The following GPHN variants were observed in gnomAD, a reference collection of about 807,000 sequenced individuals.
The protein encoded by GPHN is gephyrin.
GPHN carries 17 observed loss-of-function variants against 95.5 expected under a neutral mutation model. The ratio of observed to expected loss-of-function variants is 0.18; its 90% confidence interval spans 0.12 to 0.27. The LOEUF (loss-of-function observed/expected upper bound fraction) is 0.27. Among genes scored for constraint, GPHN ranks in the 10% least tolerant of loss-of-function variants. The pLI is 1.00. For missense variants in GPHN, 660 were observed against 978.1 expected (o/e 0.67, Z 4.34); for synonymous variants, 320 against 322.5 (o/e 0.99, Z 0.08).
chr14:66,631,872 A>G (rs1390706524), intron 1 of GPHN, among the ~76,000 whole-genome samples: 1 of 152,184 alleles, frequency 6.6e-6, no homozygotes, highest in Non-Finnish European at 1.5e-5. Flanking sequence ...AACCCTAAAC[A>G]GTTTCCTATC....
intron 17 of GPHN, among the ~76,000 whole-genome samples, chr14:67,141,793 T>C (rs1309213530): frequency 6.6e-6 from 1 of 152,210 alleles, no homozygotes; most frequent in Non-Finnish European, 1.5e-5. Flanking sequence ...CTGTCACACC[T>C]GGATAAAAAT....
rs1352289672 is a variant in GPHN, at chr14:66,689,520, TG to T, written c.143+8336del. Reference sequence around the variant, plus strand: ...GATGTTGGTCTGTAGTTTTTGCATTTGAGTCCTTGGTCTAGTTTTAGTATCA... The same window carrying T: ...GATGTTGGTCTGTAGTTTTTGCATTTAGTCCTTGGTCTAGTTTTAGTATCA... On this transcript the variant is annotated intron_variant, in intron 2 of 22. Transcript: ENST00000478722. Among the ~76,000 whole-genome samples the T allele has an allele frequency of 2.6e-5, 4 of 152,290 alleles. No individual in the cohort carries two copies. The South Asian group carries it at 8.3e-4, about 32-fold the overall frequency.
rs2057876077 is a variant in GPHN, at chr14:66,508,423, G to C, written c.-105G>C. The C allele has an allele frequency of 1.0e-6, 1 of 988,564 alleles. No individual in the cohort carries two copies. Among genetic ancestry groups the C allele is most frequent in the Admixed American group, 1.7e-5 (1 of 59,014 alleles). 61.2% of individuals were successfully genotyped at this position (988,564 alleles called of 1,614,324 possible). On this transcript the variant is annotated 5_prime_UTR_variant, in exon 1 of 23. Coordinates refer to ENST00000478722, the MANE Select transcript of GPHN (RefSeq NM_020806.5). ...TCCCCGCTCTCCTCGCGCTTCTCTG[G>C]CTCCCTAGCTGTCGCGCTCTCCTCG...
chr14:67,177,030 C>T (rs1163403604), intron 21 of GPHN, among the ~76,000 whole-genome samples: 1 of 152,114 alleles, frequency 6.6e-6, no homozygotes, highest in Non-Finnish European at 1.5e-5. Context: ...AAAACCAGCT[C>T]CTGGATTCAC....
the GPHN span, among the ~76,000 whole-genome samples, chr14:67,413,612 C>T: frequency 2.8e-4 from 43 of 152,326 alleles, no homozygotes; most frequent in Non-Finnish European, 3.7e-4. Flanking sequence ...GTTGCTTCTA[C>T]ATGTCTGTAG....
chr14:67,138,916 T>TTTA (rs2080274248), intron 17 of GPHN, among the ~76,000 whole-genome samples: 1 of 118,876 alleles, frequency 8.4e-6, no homozygotes, highest in African/African-American at 3.7e-5. Flanking sequence ...TTTTTTTTTT[T>TTTA]AAATTATTAA....
At chr14:67,595,330 TACTG>T in the GPHN span, among the ~76,000 whole-genome samples, 1 of 152,206 alleles carries the variant, frequency 6.6e-6, no homozygotes, top group Admixed American at 6.5e-5. Flanking sequence ...GTACCGTTCC[TACTG>T]ACTTTGTATT....
At chr14:67,683,401 C>T in the GPHN span, among the ~76,000 whole-genome samples, 1 of 152,126 alleles carries the variant, frequency 6.6e-6, no homozygotes, top group Non-Finnish European at 1.5e-5. Context: ...CAACTATCTG[C>T]TATACATTTC....
At chr14:67,444,128 A>T in the GPHN span, among the ~76,000 whole-genome samples, 1 of 152,188 alleles carries the variant, frequency 6.6e-6, no homozygotes, top group Admixed American at 6.5e-5. Flanking sequence ...TTCCGGACTG[A>T]AATAATGTAC....
chr14:67,678,337 C>T, the GPHN span: 1 of 1,612,588 alleles, frequency 6.2e-7, no homozygotes, highest in East Asian at 2.2e-5. Flanking sequence ...TATTGGGAGG[C>T]CCAGCAGGTC....
chr14:67,229,575 C>G, the GPHN span, among the ~76,000 whole-genome samples: 2 of 152,060 alleles, frequency 1.3e-5, no homozygotes, highest in African/African-American at 4.8e-5. Flanking sequence ...ACATTTTTCA[C>G]TTCAACTGTT....
chr14:66,876,822 AGG>A (rs2063686559), intron 4 of GPHN, among the ~76,000 whole-genome samples: 1 of 152,212 alleles, frequency 6.6e-6, no homozygotes, highest in Non-Finnish European at 1.5e-5. Flanking sequence ...AAGTACAAAC[AGG>A]AGCTGGTACC....
rs1300392799 is a variant in GPHN, at chr14:66,736,391, CT to C, written c.144-40063del. Among the ~76,000 whole-genome samples, 21 of 133,122 alleles carry C rather than the reference CT, an allele frequency of 1.6e-4. No homozygotes were observed. The East Asian group carries it at 3.1e-3, about 19-fold the overall frequency. 87.3% of individuals were successfully genotyped at this position (133,122 alleles called of 152,430 possible). Reference sequence around the variant, plus strand: ...ATTTTTTATTTTAACTGTTTTCTTTCTTTTTTTTTTCTTTTTTTTTTTTTGA... The same window carrying C: ...ATTTTTTATTTTAACTGTTTTCTTTCTTTTTTTTTCTTTTTTTTTTTTTGA... On this transcript the variant is annotated intron_variant, in intron 2 of 22. Transcript: ENST00000478722.
At chr14:67,143,778 A>G (rs2080645544) in intron 18 of GPHN, among the ~76,000 whole-genome samples, 1 of 151,948 alleles carries the variant, frequency 6.6e-6, no homozygotes, top group Non-Finnish European at 1.5e-5. Flanking sequence ...AAACTCTAAG[A>G]TCCTTCCTTC....
chr14:67,419,968 G>A, the GPHN span, among the ~76,000 whole-genome samples: 1 of 152,186 alleles, frequency 6.6e-6, no homozygotes, highest in African/African-American at 2.4e-5. Context: ...CCATACCCAG[G>A]AGACTCTGAT....
chr14:67,426,549 AGT>A, the GPHN span, among the ~76,000 whole-genome samples: 1 of 152,106 alleles, frequency 6.6e-6, no homozygotes, highest in Non-Finnish European at 1.5e-5. Flanking sequence ...TTCGGGGGAC[AGT>A]GTGGATAATG....
the GPHN span, among the ~76,000 whole-genome samples, chr14:67,487,585 G>A: frequency 1.3e-4 from 20 of 152,266 alleles, no homozygotes; most frequent in African/African-American, 4.6e-4. Context: ...TAGGACATTC[G>A]TTTCAGCACT....
At chr14:66,794,272 C>T (rs1253818337) in intron 3 of GPHN, among the ~76,000 whole-genome samples, 7 of 152,038 alleles carry the variant, frequency 4.6e-5, no homozygotes. Flanking sequence ...GAGATCTGGT[C>T]GTCTGAAAGT....
chr14:67,393,485 G>A, the GPHN span, among the ~76,000 whole-genome samples: 4 of 152,020 alleles, frequency 2.6e-5, no homozygotes, highest in East Asian at 3.9e-4. Flanking sequence ...ACAGAGTCTC[G>A]CTCCGTCACC....
Sources: allele counts gnomAD v4.1 joint callset (sites outside exome capture counted in the v4.1 genomes callset), GRCh38; gene constraint gnomAD v4.1.1; transcripts MANE v1.5; gene names NCBI Gene and HGNC (gene_info 2026-07-23, HGNC 2026-07-21).